The following ANKRD30A variants were observed in gnomAD, a reference collection of about 807,000 sequenced individuals.
The protein encoded by ANKRD30A is ankyrin repeat domain-containing protein 30A.
Under a neutral mutation model 166.3 loss-of-function variants are expected in ANKRD30A, and 170 were observed. That is an observed-to-expected ratio of 1.02 (90% confidence interval 0.90 to 1.16). The LOEUF is 1.16. Ranked by LOEUF, ANKRD30A falls within the 50% of genes most tolerant of loss-of-function variation. The pLI, the probability that ANKRD30A is intolerant of heterozygous loss-of-function variation, is 0.00. For synonymous variants in ANKRD30A, 564 were observed against 508.9 expected (o/e 1.11, Z -1.46); for missense variants, 1,630 against 1,518.0 (o/e 1.07, Z -1.23).
chr10:37,194,923 A>G (rs1840949211), intron 27 of ANKRD30A, among the ~76,000 whole-genome samples: 1 of 152,184 alleles, frequency 6.6e-6, no homozygotes. Flanking sequence ...GAAAATATTT[A>G]AAATACACGA....
intron 11 of ANKRD30A, 31 bp from the exon 12 acceptor site, chr10:37,152,029 C>T (rs1184278483): frequency 2.6e-6 from 4 of 1,558,538 alleles, no homozygotes; most frequent in Non-Finnish European, 3.5e-6. Context: ...GAAATGTTGT[C>T]ATGAATGTTT....
chr10:37,217,805 T>G lies in ANKRD30A; in HGVS notation c.3194T>G (p.Val1065Gly). 1.3e-6 allele frequency: 2 copies of G among 1,599,666 alleles called. No individual in the cohort carries two copies. Among genetic ancestry groups the G allele is most frequent in the Non-Finnish European group, 1.7e-6 (2 of 1,172,428 alleles). ...GAGCAGCATAGGAAAGAGTTAGAAG[T>G]GAAACAACAACTTGAACAGGCTCTC... ...IEEQHRKELE[V>G]KQQLEQALRI... is the part of the protein sequence containing the mutation. Residue 1065 changes from valine to glycine, a missense_variant, in exon 33 of 36, where the codon GTG becomes GGG. Val to Gly is a moderately radical substitution (Grantham distance 109). Around this residue, in one of 4 missense-constraint regions of ANKRD30A, gnomAD observed 712 missense variants for 629.3 expected, o/e 1.13. Coordinates refer to ENST00000361713, the MANE Select transcript of ANKRD30A (RefSeq NM_052997.3).
downstream of ANKRD30A, among the ~76,000 whole-genome samples, chr10:37,235,950 A>G (rs968447026): frequency 2.0e-5 from 3 of 151,800 alleles, no homozygotes; most frequent in African/African-American, 4.8e-5. Flanking sequence ...TTTTATTTAT[A>G]GTAGAGACGG....
At position 37,154,371 on chromosome 10, in the gene ANKRD30A, C is replaced by G. The variant is rs144866143; in HGVS notation, c.1798+709C>G. ...TGGGATTCTGCATTTTTAAAAAGTT[C>G]TCAGGTGATGCTGATGCTGGTGGTC... On this transcript the variant is annotated intron_variant, in intron 13 of 35. Transcript: ENST00000361713. 9.8e-5 allele frequency among the ~76,000 whole-genome samples: 15 copies of G among 152,304 alleles called. No individual in the cohort carries two copies. The East Asian group carries it at 1.7e-3, about 18-fold the overall frequency.
chr10:37,255,787 T>A, the ANKRD30A span, among the ~76,000 whole-genome samples: 1 of 152,236 alleles, frequency 6.6e-6, no homozygotes, highest in Non-Finnish European at 1.5e-5. Flanking sequence ...ACAGATATAA[T>A]CATTTCTAAG....
At position 37,219,642 on chromosome 10, in the gene ANKRD30A, CA is replaced by C; in HGVS notation, c.3933del (p.Lys1311AsnfsTer9). On this transcript the variant is annotated frameshift_variant, in exon 34 of 36. Coordinates refer to ENST00000361713, the MANE Select transcript of ANKRD30A (RefSeq NM_052997.3). LOFTEE classifies it high-confidence loss of function. ...MYQNEQDNVN[K>X]HTEQQESLDQ... Reference sequence around the variant, plus strand: ...ATCAAAACGAACAAGATAATGTGAACAAACACACTGAACAGCAGGAGTCTCT... The same window carrying C: ...ATCAAAACGAACAAGATAATGTGAACAACACACTGAACAGCAGGAGTCTCT... 3.1e-6 allele frequency: 5 copies of C among 1,609,948 alleles called. No individual in the cohort carries two copies. Among genetic ancestry groups the C allele is most frequent in the Non-Finnish European group, 4.2e-6 (5 of 1,177,516 alleles).
chr10:37,132,163 A>C (rs1836416177), intron 3 of ANKRD30A, 77 bp from the exon 4 acceptor site: 1 of 1,001,092 alleles, frequency 1.0e-6, no homozygotes, highest in Non-Finnish European at 1.4e-6. Context: ...TAAGTTCATA[A>C]GATATTATAT....
intron 34 of ANKRD30A, among the ~76,000 whole-genome samples, chr10:37,220,529 C>T (rs1842852624): frequency 6.6e-6 from 1 of 151,048 alleles, no homozygotes; most frequent in Admixed American, 6.6e-5. Context: ...GTTATAACCT[C>T]AATTTTTTAA....
At chr10:37,237,033 T>C (rs1296378075), downstream of ANKRD30A, among the ~76,000 whole-genome samples, 1 of 152,232 alleles carries the variant, frequency 6.6e-6, no homozygotes, top group African/African-American at 2.4e-5. Context: ...GGATTCACAA[T>C]TTAGCTGGAG....
Position 37,199,762 on chromosome 10 carries a change from G to C in ANKRD30A, c.2752G>C (p.Val918Leu). The change falls in exon 30 of 36, where the codon GTT becomes CTT. Residue 918 changes from valine to leucine, a missense_variant. By Grantham distance (32) the Val-to-Leu change is conservative. Coordinates refer to ENST00000361713, the MANE Select transcript of ANKRD30A (RefSeq NM_052997.3). ...CCCTTCAGAATCAAAACAAAAGAAG[G>C]TTGAAGAAAATTCTTGGGATTCTGA... ...MFPSESKQKKVEENSWDSESL... is the reference protein window; with the variant it reads ...MFPSESKQKKLEENSWDSESL... The C allele has an allele frequency of 6.4e-7, 1 of 1,572,766 alleles. No homozygotes were observed. The highest frequency in any genetic ancestry group is 1.1e-5 in the South Asian group (1 of 88,468).
chr10:37,193,034 A>G (rs1389824097), intron 25 of ANKRD30A, 30 bp from the exon 26 acceptor site: 14 of 1,604,768 alleles, frequency 8.7e-6, no homozygotes, highest in Non-Finnish European at 1.2e-5. Context: ...GCTTGCATAC[A>G]ATAAATTATA....
At position 37,149,026 on chromosome 10, in the gene ANKRD30A, T is replaced by G. The variant is rs537812793; in HGVS notation, c.1544-625T>G. ...TACATATGTCAATATTGAAAGCTTA[T>G]TATAGATTATTTCCATGATGAGTTT... On this transcript the variant is annotated intron_variant, in intron 9 of 35. Transcript: ENST00000361713. 5.3e-5 allele frequency among the ~76,000 whole-genome samples: 8 copies of G among 152,192 alleles called. No individual in the cohort carries two copies. The South Asian group carries it at 1.4e-3, about 28-fold the overall frequency.
intron 31 of ANKRD30A, among the ~76,000 whole-genome samples, chr10:37,206,040 G>GA (rs1841970659): frequency 1.3e-5 from 2 of 151,974 alleles, no homozygotes; most frequent in South Asian, 2.1e-4. Context: ...AGGTTAAAAA[G>GA]CAAAAACAGA....
At chr10:37,193,758 G>C (rs891524763) in intron 27 of ANKRD30A, among the ~76,000 whole-genome samples, 1 of 152,026 alleles carries the variant, frequency 6.6e-6, no homozygotes, top group African/African-American at 2.4e-5. Flanking sequence ...ATTACTTGAT[G>C]ACTCTTGTCT....
At chr10:37,152,600 C>G (rs1838036998) in intron 12 of ANKRD30A, among the ~76,000 whole-genome samples, 1 of 152,044 alleles carries the variant, frequency 6.6e-6, no homozygotes, top group African/African-American at 2.4e-5. Context: ...CAGTATAGAT[C>G]TGAAGGAACA....
the ANKRD30A span, among the ~76,000 whole-genome samples, chr10:37,255,716 T>G: frequency 6.6e-6 from 1 of 152,212 alleles, no homozygotes; most frequent in Admixed American, 6.5e-5. Context: ...AACAACTAAA[T>G]GCAGCTGGTG....
At chr10:37,197,743 T>C (rs1438839534) in intron 29 of ANKRD30A, among the ~76,000 whole-genome samples, 1 of 152,192 alleles carries the variant, frequency 6.6e-6, no homozygotes, top group Non-Finnish European at 1.5e-5. Context: ...TGAACTTCTG[T>C]ATTTCTTAAA....
At chr10:37,204,197 A>G (rs915024891) in intron 31 of ANKRD30A, among the ~76,000 whole-genome samples, 5 of 152,210 alleles carry the variant, frequency 3.3e-5, no homozygotes, top group Non-Finnish European at 7.3e-5. Context: ...CTAAGCCAAA[A>G]TAACAAAGCT....
chr10:37,204,181 A>G (rs1050422387), intron 31 of ANKRD30A, among the ~76,000 whole-genome samples: 8 of 152,206 alleles, frequency 5.3e-5, no homozygotes, highest in African/African-American at 1.9e-4. Flanking sequence ...CAGTGCCAAG[A>G]CGATCCTAAG....
Sources: gnomAD v4.1 joint callset for allele counts (sites outside exome capture counted in the v4.1 genomes callset) on GRCh38, gnomAD v4.1.1 for gene constraint, gnomAD v4.1.1 regional missense constraint, MANE v1.5 for transcripts, NCBI Gene and HGNC (gene_info 2026-07-23, HGNC 2026-07-21) for gene names.